MCC: variants seen among roughly 807,000 people sequenced by gnomAD.
MCC encodes the protein colorectal mutant cancer protein.
MCC carries 90 observed loss-of-function variants against 116.2 expected under a neutral mutation model. The observed-to-expected ratio is 0.77, with a 90% CI of 0.65 to 0.92. MCC has a LOEUF of 0.92. MCC is among the 40% of genes least tolerant of loss of function. The probability of loss-of-function intolerance (pLI) is 0.00; values close to 1 mark genes in which losing one functional copy is unlikely to be tolerated. For synonymous variants in MCC, 578 were observed against 510.5 expected (o/e 1.13, Z -1.78); for missense variants, 1,516 against 1,312.2 (o/e 1.16, Z -2.40).
intron 1 of MCC, among the ~76,000 whole-genome samples, chr5:113,417,304 C>T (rs1024965070): frequency 6.6e-6 from 1 of 152,160 alleles, no homozygotes; most frequent in Non-Finnish European, 1.5e-5. Flanking sequence ...TAATATATAC[C>T]TTTCCAAAAT....
At chr5:113,488,214 C>A (rs766585353) in intron 1 of MCC, 31 bp downstream of exon 1, 5 of 1,580,548 alleles carry the variant, frequency 3.2e-6, no homozygotes, top group Non-Finnish European at 4.3e-6. Context: ...TGATCTCGCT[C>A]CTGTCGGTTT....
chr5:113,280,975 T>C (rs968968109), intron 3 of MCC, among the ~76,000 whole-genome samples: 3 of 152,194 alleles, frequency 2.0e-5, no homozygotes, highest in Non-Finnish European at 4.4e-5. Flanking sequence ...TCCCTTCCCA[T>C]TGCCCTCATG....
chr5:113,099,635 C>T (rs1246705768), intron 8 of MCC, among the ~76,000 whole-genome samples: 3 of 152,224 alleles, frequency 2.0e-5, no homozygotes, highest in Non-Finnish European at 4.4e-5. Flanking sequence ...GCCAAAGACT[C>T]GTGGTGACTT....
rs62373350 is a variant in MCC at position 113,071,231 on chromosome 5, C to T, written c.1788G>A (p.Arg596=). The change falls in exon 12 of 19, where the codon CGG becomes CGA. Residue 596 remains arginine, a synonymous_variant. Transcript: ENST00000408903. ...FEVETERLNS[R]IEHLKSQNDL... ...CATTTTGGGATTTGAGGTGCTCAAT[C>T]CGGCTACAAAGGAACAAAAATCAGA... 3.7e-6 allele frequency: 6 copies of T among 1,613,418 alleles called. No homozygotes were observed. In the East Asian group the frequency reaches 1.1e-4, roughly 30 times the overall value.
rs1296715789 is a variant in MCC, at chr5:113,029,060, T to C, written c.2757-4A>G. The C allele has an allele frequency of 1.2e-6, 2 of 1,606,550 alleles. No individual in the cohort carries two copies. The highest frequency in any genetic ancestry group is 2.2e-5 in the East Asian group (1 of 44,638). On this transcript the variant is annotated splice_polypyrimidine_tract_variant and splice_region_variant and intron_variant, in intron 17 of 18. Transcript: ENST00000408903. ...TCTGGCCTTCAACTTCTTTTCTCTA[T>C]ATTAAAGGAGACAAAATATGCCAGG...
chr5:113,221,717 CTCAGTGCAAGAGG>C (rs1763557889), intron 3 of MCC, among the ~76,000 whole-genome samples: 2 of 152,234 alleles, frequency 1.3e-5, no homozygotes, highest in Admixed American at 1.3e-4. Context: ...GAGGAACTGA[CTCAGTGCAAGAGG>C]TCAGCTTCAA....
At chr5:113,295,944 T>C (rs570791914) in intron 3 of MCC, among the ~76,000 whole-genome samples, 6 of 152,352 alleles carry the variant, frequency 3.9e-5, no homozygotes, top group African/African-American at 1.4e-4. Flanking sequence ...AGCCATTGTA[T>C]TGTCAACTTC....
At chr5:113,250,445 A>G (rs1291664196) in intron 3 of MCC, among the ~76,000 whole-genome samples, 1 of 152,112 alleles carries the variant, frequency 6.6e-6, no homozygotes, top group Admixed American at 6.6e-5. Context: ...TGGGGTTAGA[A>G]CCTCTGTTTC....
Position 113,043,530 on chromosome 5 carries a change from C to T in MCC, c.2756G>A (p.Arg919Gln), listed in dbSNP as rs149948216. 3.1e-6 allele frequency: 5 copies of T among 1,613,466 alleles called. No individual in the cohort carries two copies. The highest frequency in any genetic ancestry group is 1.3e-5 in the African/African-American group (1 of 74,912). Residue 919 changes from arginine (R) to glutamine (Q), a missense_variant and splice_region_variant, in exon 17 of 19, where the codon CGA (arginine) becomes CAA (glutamine). Transcript: ENST00000408903. Reference sequence around the variant, plus strand: ...GCTGGGGTGGGGAAAGGGTGCTTACCGACGAATGGCGTTGGTGAACTCCGC... The same window carrying T: ...GCTGGGGTGGGGAAAGGGTGCTTACTGACGAATGGCGTTGGTGAACTCCGC... ...LAAEFTNAIRREKKLKARVQE... is the reference protein window; with the variant it reads ...LAAEFTNAIRQEKKLKARVQE...
At chr5:113,074,163 T>A (rs1422599432) in intron 11 of MCC, among the ~76,000 whole-genome samples, 1 of 152,156 alleles carries the variant, frequency 6.6e-6, no homozygotes, top group Non-Finnish European at 1.5e-5. Context: ...TACAGCTGGG[T>A]GCCCCTTTGA....
Position 113,049,109 on chromosome 5 carries a change from TTGCTGCCGC to T in MCC, c.2630_2638del (p.Ser877_Ser879del). ...CGGCCCTACCTTGCCAGGTTTGTCT[TTGCTGCCGC>T]TGCTGGTGGAGCTGAGGGATCGCAT... On this transcript the variant is annotated inframe_deletion, in exon 16 of 19. Coordinates refer to ENST00000408903, the MANE Select transcript of MCC (RefSeq NM_001085377.2). The T allele has an allele frequency of 6.2e-7, 1 of 1,614,184 alleles. No homozygotes were observed. The highest frequency in any genetic ancestry group is 8.5e-7 in the Non-Finnish European group (1 of 1,180,024).
At chr5:113,039,361 T>C (rs1253804113) in intron 17 of MCC, among the ~76,000 whole-genome samples, 2 of 152,156 alleles carry the variant, frequency 1.3e-5, no homozygotes, top group Non-Finnish European at 2.9e-5. Flanking sequence ...CTCAGATCCT[T>C]ACCTTTTTAT....
chr5:113,302,076 T>C (rs1766876046), intron 3 of MCC, among the ~76,000 whole-genome samples: 1 of 152,196 alleles, frequency 6.6e-6, no homozygotes, highest in African/African-American at 2.4e-5. Context: ...AAATTAAGAA[T>C]TGACAAAATA....
chr5:113,063,394 T>C (rs1310819848), intron 14 of MCC, among the ~76,000 whole-genome samples: 1 of 152,220 alleles, frequency 6.6e-6, no homozygotes, highest in Non-Finnish European at 1.5e-5. Flanking sequence ...CACTTTAATT[T>C]CCTAGATTCA....
At chr5:113,228,533 C>T (rs987727112) in intron 3 of MCC, among the ~76,000 whole-genome samples, 6 of 152,040 alleles carry the variant, frequency 3.9e-5, no homozygotes, top group Non-Finnish European at 8.8e-5. Context: ...AGAGGAACAG[C>T]AAGGTGACCA....
chr5:113,052,519 C>T (rs78974475), intron 15 of MCC, among the ~76,000 whole-genome samples: 2,983 of 152,236 alleles, frequency 0.02, 31 homozygotes, highest in Middle Eastern at 0.044. Context: ...CTAGTGTCTT[C>T]CCAAACTTCG....
chr5:113,213,373 G>T (rs1763199664), intron 3 of MCC, among the ~76,000 whole-genome samples: 1 of 152,180 alleles, frequency 6.6e-6, no homozygotes, highest in African/African-American at 2.4e-5. Context: ...GCTTGGAAGG[G>T]GGAGATAAAG....
chr5:113,300,196 A>G (rs1400731958), intron 3 of MCC, among the ~76,000 whole-genome samples: 2 of 152,180 alleles, frequency 1.3e-5, no homozygotes, highest in African/African-American at 4.8e-5. Context: ...ATCTTGAGAA[A>G]AAACCCTGAA....
intron 3 of MCC, among the ~76,000 whole-genome samples, chr5:113,177,666 C>A (rs1387172795): frequency 6.6e-6 from 1 of 152,146 alleles, no homozygotes; most frequent in Non-Finnish European, 1.5e-5. Context: ...ATTGTTATAG[C>A]AATTAGATTT....
Sources: allele counts gnomAD v4.1 joint callset (sites outside exome capture counted in the v4.1 genomes callset), GRCh38; gene constraint gnomAD v4.1.1; transcripts MANE v1.5; gene names NCBI Gene and HGNC (gene_info 2026-07-23, HGNC 2026-07-21).